Variants in LRRTM4 observed in about 807,000 individuals in gnomAD.
The protein encoded by LRRTM4 is leucine rich repeat transmembrane neuronal 4.
In LRRTM4, 25 loss-of-function variants were observed where a neutral mutation model predicts 47.6. The ratio of observed to expected loss-of-function variants is 0.53; its 90% CI spans 0.38 to 0.73. The LOEUF (loss-of-function observed/expected upper bound fraction) is 0.73, where lower values mean the gene tolerates loss of function less well. Ranked by LOEUF, LRRTM4 falls within the 30% of genes least tolerant of loss-of-function variation. The pLI is 0.00. For synonymous variants in LRRTM4, 311 were observed against 269.5 expected, an observed-to-expected ratio of 1.15 and a Z score of -1.51; for missense variants, 638 against 713.4, an observed-to-expected ratio of 0.89 and a Z score of 1.20.
intron 3 of LRRTM4, among the ~76,000 whole-genome samples, chr2:77,252,261 T>C (rs984984961): frequency 6.6e-6 from 1 of 152,166 alleles, no homozygotes; most frequent in Non-Finnish European, 1.5e-5. Context: ...TCAGATACCT[T>C]AGATGACACA....
intron 3 of LRRTM4, among the ~76,000 whole-genome samples, chr2:77,235,106 C>A (rs1262148474): frequency 6.6e-6 from 1 of 152,032 alleles, no homozygotes; most frequent in Non-Finnish European, 1.5e-5. Context: ...TGGATATGTA[C>A]CACATTTTCT....
chr2:77,079,902 T>A (rs1246051650), intron 3 of LRRTM4, among the ~76,000 whole-genome samples: 1 of 152,062 alleles, frequency 6.6e-6, no homozygotes, highest in Non-Finnish European at 1.5e-5. Flanking sequence ...AAATTTAATT[T>A]TATATATACA....
Position 77,518,397 on chromosome 2 carries a change from G to A in LRRTM4, c.1472C>T (p.Thr491Ile), listed in dbSNP as rs1174334499. The A allele has an allele frequency of 2.2e-5, 36 of 1,612,952 alleles. No homozygotes were observed. Among genetic ancestry groups the A allele is most frequent in the Non-Finnish European group, 3.1e-5 (36 of 1,179,476 alleles). The change falls in exon 3 of 4, where the codon ACA (threonine) becomes ATA (isoleucine). Residue 491 changes from threonine to isoleucine, a missense_variant. By Grantham distance (89) the Thr-to-Ile change is moderately conservative. Transcript: ENST00000409884. ...CGATATATCCATGGTCTCAGAGTTTGTAGGCTTGTAGTCCACATAATACTC... is the reference window on the plus strand; with the variant it reads ...CGATATATCCATGGTCTCAGAGTTTATAGGCTTGTAGTCCACATAATACTC... ...LQEYYVDYKP[T>I]NSETMDISVN...
chr2:77,455,205 C>T (rs1431784196), intron 3 of LRRTM4, among the ~76,000 whole-genome samples: 4 of 152,090 alleles, frequency 2.6e-5, no homozygotes, highest in Non-Finnish European at 1.5e-5. Context: ...ATAAATGTCC[C>T]ATTTTTAAAT....
intron 3 of LRRTM4, among the ~76,000 whole-genome samples, chr2:77,182,526 A>C (rs1019330098): frequency 2.0e-5 from 3 of 152,140 alleles, no homozygotes; most frequent in African/African-American, 7.2e-5. Flanking sequence ...CATTCTGCAC[A>C]TGTATCCTGG....
intron 3 of LRRTM4, among the ~76,000 whole-genome samples, chr2:77,397,772 AAAGT>A (rs1673759557): frequency 6.6e-6 from 1 of 151,878 alleles, no homozygotes; most frequent in Non-Finnish European, 1.5e-5. Flanking sequence ...GTAAATTTAA[AAAGT>A]GATACCTTGA....
chr2:77,350,720 A>G (rs1403657163), intron 3 of LRRTM4, among the ~76,000 whole-genome samples: 2 of 152,196 alleles, frequency 1.3e-5, no homozygotes, highest in African/African-American at 2.4e-5. Flanking sequence ...AAACAGGACA[A>G]ACAATCTAAA....
chr2:76,905,463 G>T (rs190055015), intron 3 of LRRTM4, among the ~76,000 whole-genome samples: 1 of 152,146 alleles, frequency 6.6e-6, no homozygotes, highest in Non-Finnish European at 1.5e-5. Flanking sequence ...CCAAAGGATC[G>T]CAGTTCCTCA....
At chr2:77,145,104 T>C (rs1672219567) in intron 3 of LRRTM4, among the ~76,000 whole-genome samples, 1 of 151,808 alleles carries the variant, frequency 6.6e-6, no homozygotes, top group Non-Finnish European at 1.5e-5. Context: ...AATAGGAAGA[T>C]ACATAGATAA....
chr2:76,798,493 AAGC>A (rs1190878647), intron 3 of LRRTM4, among the ~76,000 whole-genome samples: 6 of 150,028 alleles, frequency 4.0e-5, no homozygotes, highest in Non-Finnish European at 8.9e-5. Flanking sequence ...CCACAAGAGA[AAGC>A]AGGAAAGATC....
At chr2:76,925,390 G>A (rs112073580) in intron 3 of LRRTM4, among the ~76,000 whole-genome samples, 2 of 152,090 alleles carry the variant, frequency 1.3e-5, no homozygotes, top group African/African-American at 4.8e-5. Context: ...AAAAATCACA[G>A]CCTCAGCTGA....
At chr2:77,015,887 T>C (rs6724799) in intron 3 of LRRTM4, among the ~76,000 whole-genome samples, 65,856 of 151,512 alleles carry the variant, frequency 0.43, 18,302 homozygotes, top group African/African-American at 0.79. Flanking sequence ...GAGTCTGAGA[T>C]GGGTGGATTA....
At chr2:77,075,914 C>CAAAAAAAAAAAAAAAAA (rs61718845) in intron 3 of LRRTM4, among the ~76,000 whole-genome samples, 12 of 36,854 alleles carry the variant, frequency 3.3e-4, no homozygotes, top group Non-Finnish European at 4.1e-4. Context: ...GACTCCGTCT[C>CAAAAAAAAAAAAAAAAA]AAAAAAAAAA....
Position 77,168,429 on chromosome 2 carries a change from T to C in LRRTM4, c.1551+349889A>G, listed in dbSNP as rs534968430. ...TTTTTGTTAGCTGCTTTCTTATTTA[T>C]ACATAATAATTATACATATTTATGG... On this transcript the variant is annotated intron_variant, in intron 3 of 3. Coordinates refer to ENST00000409884, the MANE Select transcript of LRRTM4 (RefSeq NM_001134745.3). Among the ~76,000 whole-genome samples, 48 of 152,216 alleles carry C rather than the reference T, an allele frequency of 3.2e-4. No homozygotes were observed. In the East Asian group the frequency reaches 9.1e-3, roughly 29 times the overall value.
chr2:77,461,351 C>A (rs1231225832), intron 3 of LRRTM4, among the ~76,000 whole-genome samples: 1 of 152,056 alleles, frequency 6.6e-6, no homozygotes, highest in East Asian at 1.9e-4. Flanking sequence ...CAGTACTTGC[C>A]AGCAGCCCCA....
chr2:77,295,407 T>C (rs527522728), intron 3 of LRRTM4, among the ~76,000 whole-genome samples: 25 of 152,258 alleles, frequency 1.6e-4, no homozygotes, highest in African/African-American at 5.1e-4. Flanking sequence ...ATATAGATAG[T>C]TAGGAGCTCT....
At chr2:76,989,433 G>C (rs927406251) in intron 3 of LRRTM4, among the ~76,000 whole-genome samples, 5 of 151,826 alleles carry the variant, frequency 3.3e-5, no homozygotes, top group Non-Finnish European at 7.4e-5. Context: ...TAAAAATTTT[G>C]AATCTGCAAC....
chr2:77,168,137 C>A (rs536965355), intron 3 of LRRTM4, among the ~76,000 whole-genome samples: 1 of 151,908 alleles, frequency 6.6e-6, no homozygotes, highest in African/African-American at 2.4e-5. Flanking sequence ...AAATGGAATC[C>A]GGTGATCTCT....
At chr2:76,754,497 A>T (rs1353170218) in intron 3 of LRRTM4, among the ~76,000 whole-genome samples, 1 of 152,200 alleles carries the variant, frequency 6.6e-6, no homozygotes, top group African/African-American at 2.4e-5. Flanking sequence ...CAATGTCATC[A>T]GCATCCTCTC....
Sources: gnomAD v4.1 joint callset for allele counts (sites outside exome capture counted in the v4.1 genomes callset) on GRCh38, gnomAD v4.1.1 for gene constraint, MANE v1.5 for transcripts, NCBI Gene and HGNC (gene_info 2026-07-23, HGNC 2026-07-21) for gene names.